OXR1: variants seen among roughly 807,000 people sequenced by gnomAD.
The protein encoded by OXR1 is oxidation resistance protein 1.
OXR1 carries 41 observed loss-of-function variants against 104.6 expected under a neutral mutation model. The ratio of observed to expected loss-of-function variants is 0.39; its 90% CI spans 0.31 to 0.51. OXR1 has a LOEUF of 0.51. Among genes scored for constraint, OXR1 ranks in the 20% least tolerant of loss-of-function variants. The pLI is 0.77. For missense variants in OXR1, 955 were observed against 1,031.9 expected (o/e 0.93, Z 1.02); for synonymous variants, 348 against 348.4 (o/e 1.00, Z 0.01).
At chr8:106,417,377 T>C (rs1256874268) in intron 2 of OXR1, among the ~76,000 whole-genome samples, 3 of 152,152 alleles carry the variant, frequency 2.0e-5, no homozygotes, top group African/African-American at 7.2e-5. Context: ...ACTAGATTTA[T>C]AGATTTATCA....
intron 1 of OXR1, among the ~76,000 whole-genome samples, chr8:106,291,938 C>T (rs1013177818): frequency 7.9e-5 from 12 of 152,138 alleles, no homozygotes; most frequent in African/African-American, 2.9e-4. Flanking sequence ...CATTTACCCC[C>T]ACCCCCCAAC....
chr8:106,712,060 A>C (rs1436990094), intron 10 of OXR1, among the ~76,000 whole-genome samples: 1 of 152,140 alleles, frequency 6.6e-6, no homozygotes, highest in Non-Finnish European at 1.5e-5. Context: ...AGGACTCAGC[A>C]TCAGTTCTGC....
chr8:106,514,100 CA>C (rs2130064928), intron 2 of OXR1, among the ~76,000 whole-genome samples: 1 of 152,226 alleles, frequency 6.6e-6, no homozygotes, highest in African/African-American at 2.4e-5. Flanking sequence ...TTTGGGAATG[CA>C]AAGCACATTC....
chr8:106,635,918 C>T (rs927428759), intron 3 of OXR1, among the ~76,000 whole-genome samples: 18 of 152,184 alleles, frequency 1.2e-4, no homozygotes, highest in Admixed American at 7.9e-4. Flanking sequence ...ACTTAAAAAA[C>T]TTTCAAGTTC....
chr8:106,600,894 C>A (rs1586877296), intron 3 of OXR1, among the ~76,000 whole-genome samples: 2 of 152,260 alleles, frequency 1.3e-5, no homozygotes, highest in South Asian at 4.1e-4. Context: ...TCATAAAGAG[C>A]TATCCTTTCC....
At chr8:106,747,261 T>C (rs1237966552) in intron 16 of OXR1, among the ~76,000 whole-genome samples, 1 of 152,212 alleles carries the variant, frequency 6.6e-6, no homozygotes, top group Non-Finnish European at 1.5e-5. Flanking sequence ...AAATTGGAGA[T>C]TAAACCAGTT....
At chr8:106,639,735 G>C (rs1193149681) in intron 3 of OXR1, among the ~76,000 whole-genome samples, 1 of 152,132 alleles carries the variant, frequency 6.6e-6, no homozygotes, top group Non-Finnish European at 1.5e-5. Context: ...GATGTGGCAA[G>C]GGATTCAAAG....
At chr8:106,691,956 C>T (rs1829330674) in intron 6 of OXR1, among the ~76,000 whole-genome samples, 1 of 145,008 alleles carries the variant, frequency 6.9e-6, no homozygotes, top group Admixed American at 6.9e-5. Flanking sequence ...AACCAAGAAG[C>T]GTATATATGT....
chr8:106,342,769 T>C (rs1815310049), intron 1 of OXR1, among the ~76,000 whole-genome samples: 1 of 152,204 alleles, frequency 6.6e-6, no homozygotes, highest in African/African-American at 2.4e-5. Context: ...GTGGGGTTAT[T>C]TTTGTGTGGG....
At chr8:106,658,018 G>C (rs1181206265) in intron 3 of OXR1, 1 of 1,248,444 alleles carries the variant, frequency 8.0e-7, no homozygotes, top group Admixed American at 4.2e-5. Context: ...ACCGAGAAGA[G>C]TGGGCGCCTT....
intron 2 of OXR1, among the ~76,000 whole-genome samples, chr8:106,480,055 AC>A (rs1459760822): frequency 1.1e-4 from 17 of 152,008 alleles, no homozygotes; most frequent in African/African-American, 4.1e-4. Flanking sequence ...GTTTTTAACA[AC>A]TATGGTAGCA....
intron 1 of OXR1, among the ~76,000 whole-genome samples, chr8:106,317,901 A>G (rs978480052): frequency 2.0e-5 from 3 of 152,190 alleles, no homozygotes; most frequent in Non-Finnish European, 4.4e-5. Context: ...GTGCATTAAT[A>G]TTCCAATCTT....
At chr8:106,475,427 AGGT>A (rs1465323430) in intron 2 of OXR1, among the ~76,000 whole-genome samples, 2 of 151,858 alleles carry the variant, frequency 1.3e-5, no homozygotes, top group East Asian at 3.9e-4. Context: ...GAGGAGGAAG[AGGT>A]GGGGTTGGTT....
At chr8:106,350,090 T>C (rs551934095) in intron 1 of OXR1, among the ~76,000 whole-genome samples, 47 of 152,090 alleles carry the variant, frequency 3.1e-4, no homozygotes, top group African/African-American at 1.1e-3. Flanking sequence ...AAGGAAAGAT[T>C]GTACAGAATC....
chr8:106,402,090 A>C (rs148703686), intron 2 of OXR1, among the ~76,000 whole-genome samples: 91 of 152,306 alleles, frequency 6.0e-4, no homozygotes, highest in African/African-American at 2.1e-3. Flanking sequence ...GGGATGTGTT[A>C]ATTTCCTCAA....
At chr8:106,302,022 G>A (rs1157600720) in intron 1 of OXR1, among the ~76,000 whole-genome samples, 1 of 152,278 alleles carries the variant, frequency 6.6e-6, no homozygotes, top group Admixed American at 6.5e-5. Flanking sequence ...ACTGATAATA[G>A]GGATAAGAAA....
At chr8:106,570,719 C>T (rs572234334) in intron 3 of OXR1, among the ~76,000 whole-genome samples, 5 of 152,124 alleles carry the variant, frequency 3.3e-5, no homozygotes, top group Non-Finnish European at 7.4e-5. Flanking sequence ...ACCTCATTGT[C>T]CCCAGATGCC....
chr8:106,703,260 G>C (rs532925014), intron 8 of OXR1, among the ~76,000 whole-genome samples, 170 bp downstream of exon 8: 1 of 152,140 alleles, frequency 6.6e-6, no homozygotes, highest in Non-Finnish European at 1.5e-5. Flanking sequence ...TTGCACCTGG[G>C]ATAGTTATGA....
In OXR1 at chr8:106,671,044, C is replaced by CAAAAAAAAAAAAAAAAAAAAAAA. The variant is rs60404483; in HGVS notation, c.221-8147_221-8146insAAAAAAAAAAAAAAAAAAAAAAA. Among the ~76,000 whole-genome samples the CAAAAAAAAAAAAAAAAAAAAAAA allele has an allele frequency of 1.5e-3, 72 of 48,830 alleles. 1 individual carries two copies. Among genetic ancestry groups the CAAAAAAAAAAAAAAAAAAAAAAA allele is most frequent in the African/African-American group, 3.2e-3 (26 of 8,136 alleles). The allele number at this position is 48,830 out of a possible 152,430, so 32.0% of individuals were successfully genotyped here. A position where few individuals can be genotyped will look rare whatever the true frequency, so the allele number is the denominator to read the frequency against. Reference sequence around the variant, plus strand: ...TGGGTGACAGAGTGAGACTCTGTCTCAAAAAAAAAAAAAAAAAAAGAATGG... The same window carrying CAAAAAAAAAAAAAAAAAAAAAAA: ...TGGGTGACAGAGTGAGACTCTGTCTCAAAAAAAAAAAAAAAAAAAAAAAAAAAAAAAAAAAAAAAAAAGAATGG... On this transcript the variant is annotated intron_variant, in intron 3 of 16. Coordinates refer to ENST00000517566, the MANE Select transcript of OXR1 (RefSeq NM_001198533.2).
Sources: allele counts gnomAD v4.1 joint callset (sites outside exome capture counted in the v4.1 genomes callset), GRCh38; gene constraint gnomAD v4.1.1; transcripts MANE v1.5; gene names NCBI Gene and HGNC (gene_info 2026-07-23, HGNC 2026-07-21).